The following LAMC3 variants were observed in gnomAD, a reference collection of about 807,000 sequenced individuals.
LAMC3 encodes the protein laminin subunit gamma 3, also known as laminin subunit gamma-3.
In LAMC3, 128 loss-of-function variants were observed where a neutral mutation model predicts 173.8. That is an observed-to-expected ratio of 0.74 (90% CI 0.64 to 0.85). The LOEUF (loss-of-function observed/expected upper bound fraction) is 0.85, where lower values mean the gene tolerates loss of function less well. LAMC3 is among the 40% of genes least tolerant of loss of function. The pLI is 0.00. For synonymous variants in LAMC3, 897 were observed against 909.1 expected, an observed-to-expected ratio of 0.99 and a Z score of 0.24; for missense variants, 2,022 against 2,156.0, an observed-to-expected ratio of 0.94 and a Z score of 1.23.
chr9:131,075,903 G>A lies in LAMC3; in HGVS notation c.3567G>A (p.Ala1189=), dbSNP rs565014103. Residue 1189 remains alanine (A), a synonymous_variant, in exon 21 of 28, where the codon GCG becomes GCA. Coordinates refer to ENST00000361069, the MANE Select transcript of LAMC3 (RefSeq NM_006059.4). ...TGCTCGCCTCCAACACCAGCTACGCGCTTCTCTGGAATCTGCTGGAGGGAA... is the reference window on the plus strand; with the variant it reads ...TGCTCGCCTCCAACACCAGCTACGCACTTCTCTGGAATCTGCTGGAGGGAA... ...RALLASNTSY[A]LLWNLLEGRV... 21 of 1,612,204 alleles carry A rather than the reference G, an allele frequency of 1.3e-5. No individual in the cohort carries two copies. In the South Asian group the frequency reaches 1.9e-4, roughly 14 times the overall value.
intron 27 of LAMC3, among the ~76,000 whole-genome samples, chr9:131,088,970 A>C (rs1353173012): frequency 6.6e-6 from 1 of 152,102 alleles, no homozygotes; most frequent in Non-Finnish European, 1.5e-5. Flanking sequence ...CTGTAATCTC[A>C]GCTACACAGG....
chr9:131,009,400 T>C lies in LAMC3; in HGVS notation c.186T>C (p.Cys62=). 1 of 1,538,698 alleles carries C rather than the reference T, an allele frequency of 6.5e-7. No individual in the cohort carries two copies. The highest frequency in any genetic ancestry group is 8.7e-7 in the Non-Finnish European group (1 of 1,144,830). Residue 62 remains cysteine (C), a synonymous_variant, in exon 1 of 28, where the codon TGT becomes TGC. Transcript: ENST00000361069. The surrounding 1 kb of genome is among the most constrained non-coding windows in gnomAD (Gnocchi z 4.3). ...GCGGCAGCCCGCCCGAGGACTTCTG[T>C]CCCCACGTGGGCGCCGCGGGCGCGG... The part of the protein sequence containing the change: ...HTCGSPPEDF[C]PHVGAAGAGA...
chr9:131,072,857 C>G, intron 19 of LAMC3, 22 bp downstream of exon 19: 9 of 1,596,136 alleles, frequency 5.6e-6, no homozygotes, highest in Non-Finnish European at 7.7e-6. Context: ...GACCCCCCTA[C>G]CCGAACACAC....
rs200779050 is a variant in LAMC3, at chr9:131,087,563, G to C, written c.4318G>C (p.Ala1440Pro). The C allele has an allele frequency of 6.8e-6, 11 of 1,613,866 alleles. No individual in the cohort carries two copies. In the Admixed American group the frequency reaches 1.8e-4, roughly 27 times the overall value. ...TSQTQATLQQ[A>P]SQQVLASEAR... ...CCAGACGCAAGCCACGCTCCAACAG[G>C]CGTCCCAGCAGGTGCTGGCGTCTGA... Residue 1440 changes from alanine (A) to proline (P), a missense_variant, in exon 26 of 28, where the codon GCG (alanine) becomes CCG (proline). Transcript: ENST00000361069.
intron 3 of LAMC3, among the ~76,000 whole-genome samples, chr9:131,032,473 GCT>G (rs1491382028): frequency 6.1e-5 from 9 of 147,372 alleles, no homozygotes; most frequent in Non-Finnish European, 1.4e-4. Flanking sequence ...CTTCGCTCTC[GCT>G]CTCTTTCTCT....
chr9:131,047,165 C>CTTTTTTTTTTTTTTTTTTT lies in LAMC3; in HGVS notation c.1519+1522_1519+1523insTTTTTTTTTTTTTTTTTTT, dbSNP rs398012456. The stretch of plus-strand genomic sequence containing the variant: ...AAAACTTTTTGGTCTCTGAATTCCT[C>CTTTTTTTTTTTTTTTTTTT]TTTTTTTTTTTTTTTTTAAGACGGA... On this transcript the variant is annotated intron_variant, in intron 8 of 27. Coordinates refer to ENST00000361069, the MANE Select transcript of LAMC3 (RefSeq NM_006059.4). Among the ~76,000 whole-genome samples, 13 of 102,168 alleles carry CTTTTTTTTTTTTTTTTTTT rather than the reference C, an allele frequency of 1.3e-4. 1 individual carries two copies. The highest frequency in any genetic ancestry group is 3.0e-4 in the African/African-American group (8 of 26,590). 67.0% of individuals were successfully genotyped at this position (102,168 alleles called of 152,430 possible). A position where few individuals can be genotyped will look rare whatever the true frequency, so the allele number is the denominator to read the frequency against.
intron 20 of LAMC3, 21 bp from the exon 21 acceptor site, chr9:131,075,810 C>T (rs746701707): frequency 1.2e-6 from 2 of 1,604,778 alleles, no homozygotes; most frequent in African/African-American, 1.3e-5. Context: ...TGGTAATGCT[C>T]AGGTGGGTGT....
intron 23 of LAMC3, among the ~76,000 whole-genome samples, chr9:131,081,097 C>G (rs1384535135): frequency 2.6e-5 from 4 of 152,200 alleles, no homozygotes; most frequent in African/African-American, 4.8e-5. Context: ...CCACTCTGTT[C>G]TCTGTCTCTG....
Position 131,075,834 on chromosome 9 carries a change from CAG to C in LAMC3, c.3502_3503del (p.Asp1168HisfsTer63), listed in dbSNP as rs762738493. On this transcript the variant is annotated frameshift_variant, in exon 21 of 28. Transcript: ENST00000361069. LOFTEE classifies it high-confidence loss of function. ...TEARALARSH[R>X]DTATKIAATA... ...TCAGGTGGGTGTCCTCACACAGCCA[CAG>C]AGACACCGCCACCAAGATCGCAGCC... The C allele has an allele frequency of 1.2e-5, 19 of 1,610,780 alleles. No homozygotes were observed. The highest frequency in any genetic ancestry group is 1.6e-5 in the Non-Finnish European group (19 of 1,178,958).
At chr9:131,013,994 C>T (rs1028156562) in intron 1 of LAMC3, among the ~76,000 whole-genome samples, 4 of 152,236 alleles carry the variant, frequency 2.6e-5, no homozygotes, top group African/African-American at 9.6e-5. Context: ...CTGGCTGGAA[C>T]GCTGGGCCCT....
rs950999066 is a variant in LAMC3 at position 131,029,185 on chromosome 9, G to A, written c.678+2596G>A. Among the ~76,000 whole-genome samples, 3 of 152,348 alleles carry A rather than the reference G, an allele frequency of 2.0e-5. No individual in the cohort carries two copies. The highest frequency in any genetic ancestry group is 2.9e-5 in the Non-Finnish European group (2 of 68,034). On this transcript the variant is annotated intron_variant, in intron 2 of 27. Coordinates refer to ENST00000361069, the MANE Select transcript of LAMC3 (RefSeq NM_006059.4). The surrounding 1 kb of genome is among the most constrained non-coding windows in gnomAD (Gnocchi z 4.6). ...ATGGAGGTCACTCCCCTGGATCCAG[G>A]GCAAAGGGCCAGGCCCCTCTTTGGG...
At chr9:131,052,191 C>T (rs981507650) in intron 9 of LAMC3, among the ~76,000 whole-genome samples, 3 of 152,158 alleles carry the variant, frequency 2.0e-5, no homozygotes, top group African/African-American at 7.2e-5. Flanking sequence ...TGTATCCCCT[C>T]CGTTCACCCT....
In LAMC3 at chr9:131,026,563, A is replaced by G; in HGVS notation, c.652A>G (p.Asn218Asp). 5.6e-6 allele frequency: 9 copies of G among 1,603,668 alleles called. No individual in the cohort carries two copies. Among genetic ancestry groups the G allele is most frequent in the Non-Finnish European group, 7.7e-6 (9 of 1,175,776 alleles). ...STLEGRPSAY[N>D]FEESPGLQEW... ...CCTGGAGGGCCGGCCCAGCGCCTAC[A>G]ACTTCGAGGAGAGCCCTGGGCTGCA... Residue 218 changes from asparagine to aspartate, a missense_variant, in exon 2 of 28, where the codon AAC (asparagine) becomes GAC (aspartate). Asn to Asp is a conservative substitution (Grantham distance 23). Coordinates refer to ENST00000361069, the MANE Select transcript of LAMC3 (RefSeq NM_006059.4). The surrounding 1 kb of genome is among the most constrained non-coding windows in gnomAD (Gnocchi z 4.8).
intron 14 of LAMC3, 69 bp from the exon 15 acceptor site, chr9:131,068,009 G>T: frequency 6.4e-7 from 1 of 1,556,324 alleles, no homozygotes; most frequent in Non-Finnish European, 8.8e-7. Flanking sequence ...CTCTGCCTCT[G>T]TTGGACCCCC....
rs543252608 is a variant in LAMC3 at position 131,069,120 on chromosome 9, G to C, written c.2890+70G>C. The C allele has an allele frequency of 4.8e-4, 743 of 1,553,774 alleles. 1 individual carries two copies. Among genetic ancestry groups the C allele is most frequent in the Non-Finnish European group, 6.4e-4 (723 of 1,128,950 alleles). ...CGAGGGTCTCTGGGCAGAGATGACT[G>C]ATGGGGAAAATGGGCGCAGCAGGAA... On this transcript the variant is annotated intron_variant, in intron 16 of 27. Coordinates refer to ENST00000361069, the MANE Select transcript of LAMC3 (RefSeq NM_006059.4).
chr9:131,013,056 G>A (rs909814102), intron 1 of LAMC3, among the ~76,000 whole-genome samples: 1 of 152,328 alleles, frequency 6.6e-6, no homozygotes, highest in African/African-American at 2.4e-5. Flanking sequence ...CAGTGACGGG[G>A]GTACAGACCA....
At chr9:131,084,823 C>T (rs1830301962) in intron 24 of LAMC3, among the ~76,000 whole-genome samples, 4 of 151,902 alleles carry the variant, frequency 2.6e-5, no homozygotes, top group Admixed American at 2.0e-4. Context: ...TGCTTAAACC[C>T]GTGAGGCAGA....
rs201049375 is a variant in LAMC3, at chr9:131,065,439, A to G, written c.2348-1521A>G. The stretch of plus-strand genomic sequence containing the variant: ...GAGAAACAGAAAAGGTAAAGGGGCC[A>G]GGGATTGCAAAGGAAAATGCACCCA... On this transcript the variant is annotated intron_variant, in intron 13 of 27. Transcript: ENST00000361069. 2.1e-4 allele frequency among the ~76,000 whole-genome samples: 32 copies of G among 152,346 alleles called. No homozygotes were observed. In the East Asian group the frequency reaches 5.4e-3, roughly 26 times the overall value.
At chr9:131,049,181 C>A in intron 9 of LAMC3, 51 bp downstream of exon 9, 1 of 1,054,056 alleles carries the variant, frequency 9.5e-7, no homozygotes, top group Non-Finnish European at 1.4e-6. Context: ...GTTCCTCCTG[C>A]TGCTAAACAA....
Sources: allele counts gnomAD v4.1 joint callset (sites outside exome capture counted in the v4.1 genomes callset), GRCh38; gene constraint gnomAD v4.1.1; non-coding constraint Gnocchi (gnomAD v3.1); transcripts MANE v1.5; gene names NCBI Gene and HGNC (gene_info 2026-07-23, HGNC 2026-07-21).